Variants in RB1 observed in about 807,000 individuals in gnomAD.
The protein encoded by RB1 is RB transcriptional corepressor 1.
Under a neutral mutation model 135.4 loss-of-function variants are expected in RB1, and 18 were observed. That is an observed-to-expected ratio of 0.13 (90% CI 0.09 to 0.20). The LOEUF (loss-of-function observed/expected upper bound fraction) is 0.20. Among genes scored for constraint, RB1 ranks in the 10% least tolerant of loss-of-function variants. The probability of loss-of-function intolerance (pLI) is 1.00; values close to 1 mark genes in which losing one functional copy is unlikely to be tolerated. For missense variants in RB1, 868 were observed against 1,110.0 expected (o/e 0.78, Z 3.10); for synonymous variants, 365 against 373.2 (o/e 0.98, Z 0.25).
intron 7 of RB1, among the ~76,000 whole-genome samples, chr13:48,361,384 A>C (rs1403863619): frequency 6.6e-6 from 1 of 152,154 alleles, no homozygotes; most frequent in African/African-American, 2.4e-5. Context: ...TAGTAGTATA[A>C]TAAGCCTCCA....
intron 17 of RB1, among the ~76,000 whole-genome samples, chr13:48,435,234 T>C (rs566964402): frequency 6.4e-4 from 98 of 152,318 alleles, no homozygotes; most frequent in African/African-American, 2.1e-3. Context: ...TTTGGTGATG[T>C]CTTTATTTTT....
At chr13:48,314,756 G>T (rs1189975130) in intron 2 of RB1, among the ~76,000 whole-genome samples, 1 of 150,348 alleles carries the variant, frequency 6.7e-6, no homozygotes. Context: ...AGCCGAAGTC[G>T]TGCCACTGCA....
intron 2 of RB1, chr13:48,318,861 G>A: frequency 9.0e-7 from 1 of 1,106,182 alleles, no homozygotes; most frequent in Admixed American, 1.7e-5. Context: ...TGCCTTGAGG[G>A]TCAAAACGTC....
intron 17 of RB1, among the ~76,000 whole-genome samples, chr13:48,423,006 T>G (rs911605457): frequency 6.6e-6 from 1 of 152,122 alleles, no homozygotes; most frequent in Admixed American, 6.6e-5. Flanking sequence ...GGTGGGCACC[T>G]GTAGTCCTGG....
At chr13:48,318,941 T>C (rs1952210498) in intron 2 of RB1, 3 of 999,012 alleles carry the variant, frequency 3.0e-6, no homozygotes, top group Non-Finnish European at 4.7e-6. Context: ...GGAAGGCACG[T>C]TCAGGGAGTA....
Position 48,328,666 on chromosome 13 carries a change from C to T in RB1, c.265-13933C>T, listed in dbSNP as rs1952309017. The T allele has an allele frequency of 8.0e-6, 4 of 500,246 alleles. No homozygotes were observed. The South Asian group carries it at 8.5e-5, about 11-fold the overall frequency. 31.0% of individuals were successfully genotyped at this position (500,246 alleles called of 1,614,324 possible). A position where few individuals can be genotyped will look rare whatever the true frequency, so the allele number is the denominator to read the frequency against. On this transcript the variant is annotated intron_variant, in intron 2 of 26. Transcript: ENST00000267163. ...AATAGCTACAAGGTATTTCTTTTAA[C>T]TTTCTCCACCCCCAGCTCCCAGCAG... is the stretch of plus-strand genomic sequence containing the variant.
chr13:48,319,775 A>C lies in RB1; in HGVS notation c.264+12369A>C, dbSNP rs191982823. The C allele has an allele frequency of 2.1e-4, 61 of 286,182 alleles. No individual in the cohort carries two copies. The highest frequency in any genetic ancestry group is 3.9e-4 in the Non-Finnish European group (55 of 140,468). 17.7% of individuals were successfully genotyped at this position (286,182 alleles called of 1,614,324 possible). Reference sequence around the variant, plus strand: ...CCATCACATTTTTGGGTCGCATGCTATCTCTTCTCATTCAGAAGCTGTTCT... The same window carrying C: ...CCATCACATTTTTGGGTCGCATGCTCTCTCTTCTCATTCAGAAGCTGTTCT... On this transcript the variant is annotated intron_variant, in intron 2 of 26. Coordinates refer to ENST00000267163, the MANE Select transcript of RB1 (RefSeq NM_000321.3). The surrounding 1 kb of genome is among the most constrained non-coding windows in gnomAD (Gnocchi z 5.0).
At chr13:48,336,534 C>A (rs61975697) in intron 2 of RB1, among the ~76,000 whole-genome samples, 1 of 151,854 alleles carries the variant, frequency 6.6e-6, no homozygotes, top group South Asian at 2.1e-4. Context: ...TGGTGATATC[C>A]CCTTTATCAT....
In RB1 at chr13:48,411,491, TCTC is replaced by T. The variant is rs774867305; in HGVS notation, c.1695+30051_1695+30053del. Reference sequence around the variant, plus strand: ...GAACTTCAGAGAATCTGAAGTCACTTCTCCTGACAGACCAGTTTTTCATTTTTA... The same window carrying T: ...GAACTTCAGAGAATCTGAAGTCACTTCTGACAGACCAGTTTTTCATTTTTA... On this transcript the variant is annotated intron_variant, in intron 17 of 26. Coordinates refer to ENST00000267163, the MANE Select transcript of RB1 (RefSeq NM_000321.3). The T allele has an allele frequency of 1.1e-5, 17 of 1,612,820 alleles. No individual in the cohort carries two copies. The East Asian group carries it at 2.2e-4, about 21-fold the overall frequency.
At chr13:48,351,138 C>G (rs1952543167) in intron 6 of RB1, among the ~76,000 whole-genome samples, 1 of 152,022 alleles carries the variant, frequency 6.6e-6, no homozygotes, top group Non-Finnish European at 1.5e-5. Context: ...CTGCTTTTAG[C>G]TCTTTGCGGA....
intron 3 of RB1, among the ~76,000 whole-genome samples, chr13:48,343,766 C>T (rs1383576920): frequency 5.9e-5 from 9 of 152,282 alleles, no homozygotes; most frequent in Admixed American, 1.3e-4. Flanking sequence ...GATATATCTG[C>T]ACTTTTGTTC....
intron 17 of RB1, chr13:48,444,628 G>A (rs1046487507): frequency 2.6e-5 from 4 of 152,354 alleles, no homozygotes; most frequent in Non-Finnish European, 4.4e-5. Flanking sequence ...CAGGGGTGCA[G>A]AGCTTCCATG....
chr13:48,308,227 A>G (rs2854355), intron 2 of RB1, among the ~76,000 whole-genome samples: 35,456 of 151,194 alleles, frequency 0.23, 4,881 homozygotes, highest in East Asian at 0.37. Context: ...GTGTGTGCCT[A>G]TAGTCCCAGC....
chr13:48,433,305 T>C (rs1195737574), intron 17 of RB1, among the ~76,000 whole-genome samples: 1 of 152,178 alleles, frequency 6.6e-6, no homozygotes, highest in African/African-American at 2.4e-5. Context: ...CTTTGATGTT[T>C]TAAAACATTT....
chr13:48,313,835 G>A (rs1181960410), intron 2 of RB1, among the ~76,000 whole-genome samples: 4 of 133,088 alleles, frequency 3.0e-5, no homozygotes, highest in African/African-American at 8.3e-5. Flanking sequence ...TGCAAGCTCC[G>A]CCTCCCGGGT....
At position 48,339,918 on chromosome 13, in the gene RB1, C is replaced by T. The variant is rs371509447; in HGVS notation, c.265-2681C>T. 4.7e-4 allele frequency among the ~76,000 whole-genome samples: 71 copies of T among 151,998 alleles called. No individual in the cohort carries two copies. The South Asian group carries it at 0.014, about 31-fold the overall frequency. ...AAAATGAACAAAATATATGAAACTA[C>T]AATAATGAAGACGTTATGATATTGG... On this transcript the variant is annotated intron_variant, in intron 2 of 26. Transcript: ENST00000267163.
intron 2 of RB1, among the ~76,000 whole-genome samples, chr13:48,333,540 T>C (rs1952355299): frequency 6.6e-6 from 1 of 152,090 alleles, no homozygotes; most frequent in Non-Finnish European, 1.5e-5. Context: ...TTATGTATCA[T>C]CTGTTCAGAA....
At chr13:48,476,161 A>G (rs1377342622) in intron 24 of RB1, among the ~76,000 whole-genome samples, 1 of 152,322 alleles carries the variant, frequency 6.6e-6, no homozygotes, top group East Asian at 1.9e-4. Context: ...GCTAATCCTC[A>G]CTGTTGAATC....
At chr13:48,465,753 A>G (rs1211078298) in intron 23 of RB1, among the ~76,000 whole-genome samples, 2 of 151,378 alleles carry the variant, frequency 1.3e-5, no homozygotes, top group Non-Finnish European at 3.0e-5. Context: ...TGGGAAGCGC[A>G]AGGGGTCAGG....
Sources: allele counts gnomAD v4.1 joint callset (sites outside exome capture counted in the v4.1 genomes callset), GRCh38; gene constraint gnomAD v4.1.1; non-coding constraint Gnocchi (gnomAD v3.1); transcripts MANE v1.5; gene names NCBI Gene and HGNC (gene_info 2026-07-23, HGNC 2026-07-21).